NDUFAF2: variants seen among roughly 807,000 people sequenced by gnomAD.
NDUFAF2 encodes the protein NADH dehydrogenase [ubiquinone] 1 alpha subcomplex assembly factor 2.
In NDUFAF2, 13 loss-of-function variants were observed where a neutral mutation model predicts 22.8. The ratio of observed to expected loss-of-function variants is 0.57; its 90% CI spans 0.37 to 0.91. The LOEUF (loss-of-function observed/expected upper bound fraction) is 0.91, where lower values mean the gene tolerates loss of function less well. Ranked by LOEUF, NDUFAF2 falls within the 40% of genes least tolerant of loss-of-function variation. The probability of loss-of-function intolerance (pLI) is 0.01; values close to 1 mark genes in which losing one functional copy is unlikely to be tolerated. For missense variants in NDUFAF2, 162 were observed against 195.2 expected, an observed-to-expected ratio of 0.83 and a Z score of 1.01; for synonymous variants, 53 against 64.2, an observed-to-expected ratio of 0.83 and a Z score of 0.84.
chr5:61,033,966 T>C lies in NDUFAF2; in HGVS notation c.128-39159T>C, dbSNP rs145756947. On this transcript the variant is annotated intron_variant, in intron 1 of 3. Transcript: ENST00000296597. Reference sequence around the variant, plus strand: ...AGGAGAACTAGACATCTGTGACTTATGGCCTAATTCTGATCATCAAGGAGA... The same window carrying C: ...AGGAGAACTAGACATCTGTGACTTACGGCCTAATTCTGATCATCAAGGAGA... 4.4e-3 allele frequency among the ~76,000 whole-genome samples: 670 copies of C among 152,288 alleles called. 5 individuals carry two copies. The highest frequency in any genetic ancestry group is 7.0e-3 in the Non-Finnish European group (476 of 67,998).
At chr5:61,139,944 AC>A in intron 3 of NDUFAF2, among the ~76,000 whole-genome samples, 1 of 152,122 alleles carries the variant, frequency 6.6e-6, no homozygotes. Context: ...TAGGGGGACC[AC>A]CCCTACATCC....
intron 1 of NDUFAF2, among the ~76,000 whole-genome samples, chr5:61,005,065 C>T (rs1751348207): frequency 6.6e-6 from 1 of 152,000 alleles, no homozygotes; most frequent in African/African-American, 2.4e-5. Context: ...TTAGGTAATT[C>T]TCCTAATGCT....
chr5:61,002,064 C>G (rs1044621713), intron 1 of NDUFAF2, among the ~76,000 whole-genome samples: 1 of 151,854 alleles, frequency 6.6e-6, no homozygotes, highest in African/African-American at 2.4e-5. Context: ...CAAGAGATGA[C>G]GATGAGAGCA....
At chr5:61,070,763 C>A (rs1289196562) in intron 1 of NDUFAF2, among the ~76,000 whole-genome samples, 1 of 152,020 alleles carries the variant, frequency 6.6e-6, no homozygotes, top group East Asian at 1.9e-4. Context: ...AGTATATATG[C>A]ATTTAGTAGT....
chr5:60,948,585 C>T (rs969669006), intron 1 of NDUFAF2, among the ~76,000 whole-genome samples: 3 of 151,288 alleles, frequency 2.0e-5, no homozygotes, highest in African/African-American at 7.3e-5. Flanking sequence ...GTTCTTCACT[C>T]AGCATAATTA....
chr5:60,946,083 A>G (rs4647027), intron 1 of NDUFAF2, among the ~76,000 whole-genome samples: 1 of 152,092 alleles, frequency 6.6e-6, no homozygotes, highest in Non-Finnish European at 1.5e-5. Context: ...ATTCGTGCCA[A>G]GTAGTTGAGC....
At chr5:61,029,513 AT>A (rs1345299481) in intron 1 of NDUFAF2, among the ~76,000 whole-genome samples, 2 of 152,146 alleles carry the variant, frequency 1.3e-5, no homozygotes, top group Non-Finnish European at 2.9e-5. Flanking sequence ...GGATACAGTT[AT>A]TATATTTATC....
intron 1 of NDUFAF2, among the ~76,000 whole-genome samples, chr5:61,006,542 AT>A (rs1298293057): frequency 6.6e-6 from 1 of 152,086 alleles, no homozygotes; most frequent in Non-Finnish European, 1.5e-5. Context: ...CAGTGTGGCC[AT>A]TTTCACGATA....
At chr5:61,040,303 A>AC (rs1561548691) in intron 1 of NDUFAF2, among the ~76,000 whole-genome samples, 3 of 137,388 alleles carry the variant, frequency 2.2e-5, no homozygotes, top group East Asian at 2.3e-4. Flanking sequence ...CGCGCGCGCG[A>AC]AAGTTGAAAG....
chr5:61,060,872 G>T (rs40421), intron 1 of NDUFAF2, among the ~76,000 whole-genome samples: 95,053 of 151,914 alleles, frequency 0.63, 30,553 homozygotes, highest in East Asian at 0.94. Flanking sequence ...CCTCCTCCAC[G>T]GTCTTAGATA....
intron 1 of NDUFAF2, among the ~76,000 whole-genome samples, chr5:61,023,902 G>A (rs540449493): frequency 1.3e-5 from 2 of 152,216 alleles, no homozygotes; most frequent in African/African-American, 2.4e-5. Context: ...TGATTTAAAG[G>A]TGTATGTCCA....
intron 3 of NDUFAF2, among the ~76,000 whole-genome samples, chr5:61,144,903 G>A (rs1017071909): frequency 7.9e-5 from 12 of 151,928 alleles, no homozygotes; most frequent in African/African-American, 2.2e-4. Context: ...AAATATCCAC[G>A]CATGTTATCT....
intron 1 of NDUFAF2, among the ~76,000 whole-genome samples, chr5:61,010,059 C>CT (rs1561541154): frequency 6.6e-6 from 1 of 151,986 alleles, no homozygotes; most frequent in Non-Finnish European, 1.5e-5. Flanking sequence ...CTCTTGAATC[C>CT]TTCCACTTCT....
chr5:61,115,764 G>C (rs1752904645), intron 3 of NDUFAF2: 1 of 152,146 alleles, frequency 6.6e-6, no homozygotes, highest in Non-Finnish European at 1.5e-5. Context: ...GTAAGGAAAA[G>C]TATTGAGGTA....
At chr5:60,986,873 A>G (rs890657213) in intron 1 of NDUFAF2, among the ~76,000 whole-genome samples, 3 of 150,606 alleles carry the variant, frequency 2.0e-5, no homozygotes, top group Admixed American at 1.3e-4. Flanking sequence ...TGGAGGTTGC[A>G]GTGAGCTGAG....
intron 3 of NDUFAF2, among the ~76,000 whole-genome samples, chr5:61,100,296 C>G (rs1345374127): frequency 6.6e-6 from 1 of 152,060 alleles, no homozygotes; most frequent in Non-Finnish European, 1.5e-5. Flanking sequence ...TTCATAGAAA[C>G]ATTAATATGC....
At chr5:61,151,395 T>G (rs752517206) in intron 3 of NDUFAF2, among the ~76,000 whole-genome samples, 9 of 152,086 alleles carry the variant, frequency 5.9e-5, no homozygotes, top group Non-Finnish European at 1.0e-4. Context: ...TAATTTCACA[T>G]TACAAATAAC....
intron 1 of NDUFAF2, among the ~76,000 whole-genome samples, chr5:61,013,012 G>A (rs1207563002): frequency 2.0e-5 from 3 of 151,960 alleles, no homozygotes; most frequent in East Asian, 1.9e-4. Context: ...TGTGTGAATA[G>A]CATGACAGGG....
intron 1 of NDUFAF2, among the ~76,000 whole-genome samples, chr5:60,964,491 C>T (rs1191290678): frequency 1.3e-5 from 2 of 150,366 alleles, no homozygotes; most frequent in Non-Finnish European, 2.9e-5. Context: ...CACTCTGTTG[C>T]CCCGGCTGGA....
Sources: gnomAD v4.1 joint callset for allele counts (sites outside exome capture counted in the v4.1 genomes callset) on GRCh38, gnomAD v4.1.1 for gene constraint, MANE v1.5 for transcripts, NCBI Gene and HGNC (gene_info 2026-07-23, HGNC 2026-07-21) for gene names.